The following C11orf71 variants were observed in gnomAD, a reference collection of about 807,000 sequenced individuals.
The protein encoded by C11orf71 is chromosome 11 open reading frame 71.
For synonymous variants in C11orf71, 72 were observed against 73.4 expected, an observed-to-expected ratio of 0.98 and a Z score of 0.09; for missense variants, 179 against 167.6, an observed-to-expected ratio of 1.07 and a Z score of -0.38.
At chr11:114,394,483 T>TG (rs1483411603), downstream of C11orf71, among the ~76,000 whole-genome samples, 1 of 151,798 alleles carries the variant, frequency 6.6e-6, no homozygotes, top group Non-Finnish European at 1.5e-5. Context: ...TTAGTAGAGA[T>TG]GGGGTTTCAC....
At chr11:114,392,967 T>G (rs920437236) in intron 1 of C11orf71, among the ~76,000 whole-genome samples, 4 of 152,232 alleles carry the variant, frequency 2.6e-5, no homozygotes, top group Non-Finnish European at 5.9e-5. Flanking sequence ...TCTAGCCCTC[T>G]GCTAGTTTTG....
intron 1 of C11orf71, among the ~76,000 whole-genome samples, chr11:114,393,068 T>C (rs1946085232): frequency 6.6e-6 from 1 of 152,232 alleles, no homozygotes; most frequent in African/African-American, 2.4e-5. Context: ...TGTGAACGGG[T>C]TCAGCAATTA....
chr11:114,395,629 A>T (rs927771437), downstream of C11orf71, among the ~76,000 whole-genome samples: 3 of 152,382 alleles, frequency 2.0e-5, no homozygotes, highest in South Asian at 6.2e-4. Flanking sequence ...GAGCCAAGTA[A>T]ACTGTTACTT....
downstream of C11orf71, among the ~76,000 whole-genome samples, chr11:114,396,487 A>C (rs1946132094): frequency 6.6e-6 from 1 of 152,236 alleles, no homozygotes; most frequent in Admixed American, 6.5e-5. Flanking sequence ...AGGAATATTA[A>C]TTTGGAGGCT....
At chr11:114,396,955 T>C (rs1023020205), downstream of C11orf71, among the ~76,000 whole-genome samples, 3 of 152,190 alleles carry the variant, frequency 2.0e-5, no homozygotes, top group African/African-American at 7.2e-5. Context: ...AGCAATCTCA[T>C]TGGTCTTTTT....
At chr11:114,393,184 ATTGT>A (rs1946086148) in intron 1 of C11orf71, among the ~76,000 whole-genome samples, 1 of 152,204 alleles carries the variant, frequency 6.6e-6, no homozygotes, top group African/African-American at 2.4e-5. Context: ...ACAACTTAAC[ATTGT>A]TTGAACACCA....
chr11:114,393,212 C>T (rs1038613291), intron 1 of C11orf71, among the ~76,000 whole-genome samples: 1 of 152,194 alleles, frequency 6.6e-6, no homozygotes, highest in African/African-American at 2.4e-5. Flanking sequence ...TCTCAAGCTG[C>T]TTTATGCCTT....
chr11:114,395,254 C>T (rs1946122462), downstream of C11orf71, among the ~76,000 whole-genome samples: 1 of 152,116 alleles, frequency 6.6e-6, no homozygotes, highest in Admixed American at 6.5e-5. Context: ...CTCTGTCAGT[C>T]AATATAGTTC....
In C11orf71 at chr11:114,399,987, AC is replaced by A. The variant is rs752947889; in HGVS notation, c.344del (p.Gly115ValfsTer22). ...VLQQRLIALG[G>X]VIAARISV ...AAACTGAAATTCGAGCTGCGATAAC[AC>A]CTCCTAATGCAATCAAACGCTGTTG... On this transcript the variant is annotated frameshift_variant, in exon 1 of 1. Coordinates refer to ENST00000623205, the MANE Select transcript of C11orf71 (RefSeq NM_001271562.2). LOFTEE classifies it low-confidence loss of function (END_TRUNC). 69 of 1,602,616 alleles carry A rather than the reference AC, an allele frequency of 4.3e-5. No homozygotes were observed. Among genetic ancestry groups the A allele is most frequent in the Non-Finnish European group, 5.7e-5 (67 of 1,170,916 alleles).
At chr11:114,394,193 CT>C (rs1200009241), downstream of C11orf71, among the ~76,000 whole-genome samples, 7,090 of 46,358 alleles carry the variant, frequency 0.15, 370 homozygotes, top group East Asian at 0.21. Context: ...CTTTTCTTTT[CT>C]TTTCTTTTCT....
chr11:114,391,566 C>A (rs1007423440), exon 2 of C11orf71: 18 of 1,498,290 alleles, frequency 1.2e-5, no homozygotes, highest in Non-Finnish European at 1.4e-5. Flanking sequence ...CAAATCAGTT[C>A]ATATTACTAA....
At chr11:114,395,810 C>T (rs941607096), downstream of C11orf71, among the ~76,000 whole-genome samples, 11 of 152,182 alleles carry the variant, frequency 7.2e-5, no homozygotes, top group African/African-American at 2.7e-4. Flanking sequence ...TTGCCAAAGA[C>T]ATTGATAGGT....
chr11:114,393,491 C>T (rs1241166856), intron 1 of C11orf71, among the ~76,000 whole-genome samples: 6 of 152,078 alleles, frequency 3.9e-5, no homozygotes, highest in African/African-American at 7.2e-5. Context: ...AAATGCCTTC[C>T]CAATGATGAA....
rs190041373 is a variant in C11orf71 at position 114,400,037 on chromosome 11, G to A, written c.295C>T (p.Pro99Ser). 1 of 1,614,014 alleles carries A rather than the reference G, an allele frequency of 6.2e-7. No individual in the cohort carries two copies. Among genetic ancestry groups the A allele is most frequent in the East Asian group, 2.2e-5 (1 of 44,880 alleles). ...TGCAGCACACTTCTTAGGAGATCGG[G>A]TTCAACGGCAGGGATTGGGTAAGGT... ...FSPYPIPAVEPDLLRSVLQQR... is the reference protein window; with the variant it reads ...FSPYPIPAVESDLLRSVLQQR... The change falls in exon 1 of 1, where the codon CCC becomes TCC. Residue 99 changes from proline to serine, a missense_variant. Transcript: ENST00000623205.
downstream of C11orf71, among the ~76,000 whole-genome samples, chr11:114,397,484 G>A (rs1946138311): frequency 6.6e-6 from 1 of 152,162 alleles, no homozygotes. Context: ...GATATCCATT[G>A]ACTCAGATTT....
intron 1 of C11orf71, among the ~76,000 whole-genome samples, chr11:114,393,039 C>T (rs944725008): frequency 3.9e-5 from 6 of 152,206 alleles, no homozygotes; most frequent in African/African-American, 1.4e-4. Flanking sequence ...AAAGTGGTAC[C>T]TTTAACCTGT....
chr11:114,391,872 C>T (rs1300301873), intron 1 of C11orf71, among the ~76,000 whole-genome samples: 1 of 149,818 alleles, frequency 6.7e-6, no homozygotes, highest in Non-Finnish European at 1.5e-5. Flanking sequence ...AGATATTACA[C>T]TTAGGGATAC....
rs1274560565 is a variant in C11orf71 at position 114,400,063 on chromosome 11, G to A, written c.269C>T (p.Ser90Leu). 1.2e-6 allele frequency: 2 copies of A among 1,614,040 alleles called. No homozygotes were observed. The highest frequency in any genetic ancestry group is 1.3e-5 in the African/African-American group (1 of 75,060). ...TTCAACGGCAGGGATTGGGTAAGGT[G>A]AGAATCTGGCTTGGCGGCTCCGGCC... is the stretch of plus-strand genomic sequence containing the variant. ...GRGRSRQARF[S>L]PYPIPAVEPD... The change falls in exon 1 of 1, where the codon TCA becomes TTA. Residue 90 changes from serine to leucine, a missense_variant. Ser to Leu is a moderately radical substitution (Grantham distance 145, BLOSUM62 -2). Transcript: ENST00000623205.
At position 114,399,997 on chromosome 11, in the gene C11orf71, G is replaced by C. The variant is rs774210806; in HGVS notation, c.335C>G (p.Ala112Gly). 6.2e-7 allele frequency: 1 copy of C among 1,612,320 alleles called. No homozygotes were observed. The highest frequency in any genetic ancestry group is 8.5e-7 in the Non-Finnish European group (1 of 1,178,478). Residue 112 changes from alanine (A) to glycine (G), a missense_variant, in exon 1 of 1, where the codon GCA (alanine) becomes GGA (glycine). Coordinates refer to ENST00000623205, the MANE Select transcript of C11orf71 (RefSeq NM_001271562.2). Reference sequence around the variant, plus strand: ...TCGAGCTGCGATAACACCTCCTAATGCAATCAAACGCTGTTGCAGCACACT... The same window carrying C: ...TCGAGCTGCGATAACACCTCCTAATCCAATCAAACGCTGTTGCAGCACACT... ...LRSVLQQRLI[A>G]LGGVIAARIS...
Sources: allele counts gnomAD v4.1 joint callset (sites outside exome capture counted in the v4.1 genomes callset), GRCh38; gene constraint gnomAD v4.1.1; transcripts MANE v1.5; gene names NCBI Gene and HGNC (gene_info 2026-07-23, HGNC 2026-07-21).